NTAN1: variants seen among roughly 807,000 people sequenced by gnomAD.
The protein encoded by NTAN1 is N-terminal asparagine amidase.
In NTAN1, 32 loss-of-function variants were observed where a neutral mutation model predicts 41.9. That is an observed-to-expected ratio of 0.76 (90% confidence interval 0.58 to 1.03). The LOEUF is 1.03. Among genes scored for constraint, NTAN1 ranks in the 50% least tolerant of loss-of-function variants. The pLI, the probability that NTAN1 is intolerant of heterozygous loss-of-function variation, is 0.00. For missense variants in NTAN1, 377 were observed against 377.5 expected (o/e 1.00, Z 0.01); for synonymous variants, 140 against 139.5 (o/e 1.00, Z -0.03).
chr16:15,047,947 T>C (rs1348955931), intron 2 of NTAN1, 27 bp from the exon 3 acceptor site: 3 of 1,607,762 alleles, frequency 1.9e-6, no homozygotes, highest in African/African-American at 1.3e-5. Context: ...TAAAATAAAA[T>C]ATCCAATAGC....
At chr16:15,045,298 A>AG (rs2044010728) in intron 4 of NTAN1, 1 of 151,240 alleles carries the variant, frequency 6.6e-6, no homozygotes, top group South Asian at 2.1e-4. Flanking sequence ...ACTCCGTCTC[A>AG]GGGGGAAAAA....
At position 15,038,694 on chromosome 16, in the gene NTAN1, A is replaced by C; in HGVS notation, c.640-7T>G. On this transcript the variant is annotated splice_polypyrimidine_tract_variant and splice_region_variant and intron_variant, in intron 8 of 9. Coordinates refer to ENST00000287706, the MANE Select transcript of NTAN1 (RefSeq NM_173474.4). ...CATCATAAATGCTAATCATCTAAAA[A>C]AGAACGTGTCAAGGATAGAATTTCA... 3 of 1,469,142 alleles carry C rather than the reference A, an allele frequency of 2.0e-6. No individual in the cohort carries two copies. The highest frequency in any genetic ancestry group is 1.9e-6 in the Non-Finnish European group (2 of 1,053,156). 91.0% of individuals were successfully genotyped at this position (1,469,142 alleles called of 1,614,324 possible).
At chr16:15,041,441 C>A (rs769295935) in intron 6 of NTAN1, among the ~76,000 whole-genome samples, 182 bp downstream of exon 6, 1 of 152,096 alleles carries the variant, frequency 6.6e-6, no homozygotes, top group Non-Finnish European at 1.5e-5. Context: ...GGAACTGAGG[C>A]TCGGCAGATG....
intron 1 of NTAN1, among the ~76,000 whole-genome samples, chr16:15,055,185 G>A (rs931983069): frequency 8.6e-5 from 13 of 152,026 alleles, no homozygotes; most frequent in African/African-American, 3.1e-4. Flanking sequence ...GCCACGCCCC[G>A]CTCTTTTTAA....
Position 15,055,934 on chromosome 16 carries a change from G to C in NTAN1, c.38C>G (p.Pro13Arg), listed in dbSNP as rs1186539064. The change falls in exon 1 of 10, where the codon CCG becomes CGG. Residue 13 changes from proline to arginine, a missense_variant. Transcript: ENST00000287706. ...TCGGACGAGGTCCCCGGCTGACTGC[G>C]GCAGCCGCACTCGCCGCCCCTCGAC... ...LLVEGRRVRL[P>R]QSAGDLVRAH... 5 of 1,232,684 alleles carry C rather than the reference G, an allele frequency of 4.1e-6. No homozygotes were observed. The highest frequency in any genetic ancestry group is 5.1e-6 in the Non-Finnish European group (5 of 987,470). The allele number at this position is 1,232,684 out of a possible 1,614,324, so 76.4% of individuals were successfully genotyped here.
rs1209338406 is a variant in NTAN1, at chr16:15,038,150, A to AGGTAGATCTAATATGTTCAACAAAGTG, written c.787_813dup (p.His263_Thr271dup). The AGGTAGATCTAATATGTTCAACAAAGTG allele has an allele frequency of 5.0e-6, 8 of 1,613,052 alleles. No individual in the cohort carries two copies. Among genetic ancestry groups the AGGTAGATCTAATATGTTCAACAAAGTG allele is most frequent in the African/African-American group, 1.3e-5 (1 of 74,860 alleles). On this transcript the variant is annotated inframe_insertion, in exon 10 of 10. Coordinates refer to ENST00000287706, the MANE Select transcript of NTAN1 (RefSeq NM_173474.4). ...GATGGGTGTTTTTTTAAAAACATCA[A>AGGTAGATCTAATATGTTCAACAAAGTG]GGTAGATCTAATATGTTCAACAAAG...
At chr16:15,040,609 G>C (rs1047595616) in intron 7 of NTAN1, 1 of 178,968 alleles carries the variant, frequency 5.6e-6, no homozygotes, top group Non-Finnish European at 1.2e-5. Flanking sequence ...GATGGTTCTA[G>C]GTTTTCTCTA....
At position 15,047,556 on chromosome 16, in the gene NTAN1, G is replaced by A. The variant is rs1195635522; in HGVS notation, c.251-6C>T. ...CAAGCAGGTGGCCCCATTACCTGAAGAACAAGGGTGAAAGGACTCAAGTTA... is the reference window on the plus strand; with the variant it reads ...CAAGCAGGTGGCCCCATTACCTGAAAAACAAGGGTGAAAGGACTCAAGTTA... On this transcript the variant is annotated splice_polypyrimidine_tract_variant and splice_region_variant and intron_variant, in intron 3 of 9. Transcript: ENST00000287706. 36 of 1,598,658 alleles carry A rather than the reference G, an allele frequency of 2.3e-5. No homozygotes were observed. The highest frequency in any genetic ancestry group is 3.0e-5 in the Non-Finnish European group (35 of 1,166,002).
intron 3 of NTAN1, 128 bp from the exon 4 acceptor site, chr16:15,047,678 T>G: frequency 2.2e-6 from 2 of 915,174 alleles, no homozygotes; most frequent in Non-Finnish European, 3.6e-6. Context: ...CGGACAGGTC[T>G]GTGCTCCCCA....
chr16:15,038,050 A>T lies in NTAN1; in HGVS notation c.914T>A (p.Ile305Asn). 2 of 1,612,316 alleles carry T rather than the reference A, an allele frequency of 1.2e-6. No individual in the cohort carries two copies. The highest frequency in any genetic ancestry group is 1.7e-6 in the Non-Finnish European group (2 of 1,179,300). ...TGTTTTTTAACTTCCTGGAGAAGAG[A>T]TCTTTTCCCACAAGCCATCTTCATT... Reference protein sequence around the residue: ...KKNEDGLWEKISSPGS With the variant: ...KKNEDGLWEKNSSPGS The change falls in exon 10 of 10, where the codon ATC becomes AAC. Residue 305 changes from isoleucine (I) to asparagine (N), a missense_variant. Transcript: ENST00000287706.
At chr16:15,042,718 C>CTATTTATT (rs58123477) in intron 5 of NTAN1, among the ~76,000 whole-genome samples, 32,607 of 146,912 alleles carry the variant, frequency 0.22, 4,778 homozygotes, top group Middle Eastern at 0.37. Flanking sequence ...AAAGGATGAA[C>CTATTTATT]TATTTATTTA....
At chr16:15,052,641 C>T (rs894307604) in intron 1 of NTAN1, among the ~76,000 whole-genome samples, 4 of 152,146 alleles carry the variant, frequency 2.6e-5, no homozygotes, top group African/African-American at 9.7e-5. Context: ...TCAGACCAGC[C>T]TGGCCAACAT....
In NTAN1 at chr16:15,038,042, G is replaced by GAGA. The variant is rs761004890; in HGVS notation, c.919_921dup (p.Ser307dup). 1 of 1,611,396 alleles carries GAGA rather than the reference G, an allele frequency of 6.2e-7. No individual in the cohort carries two copies. The highest frequency in any genetic ancestry group is 8.5e-7 in the Non-Finnish European group (1 of 1,179,006). ...GTAATTCATGTTTTTTAACTTCCTG[G>GAGA]AGAAGAGATCTTTTCCCACAAGCCA... is the stretch of plus-strand genomic sequence containing the variant. On this transcript the variant is annotated inframe_insertion, in exon 10 of 10. Transcript: ENST00000287706.
Position 15,038,632 on chromosome 16 carries a change from C to A in NTAN1, c.695G>T (p.Trp232Leu), listed in dbSNP as rs745652703. 1 of 1,610,550 alleles carries A rather than the reference C, an allele frequency of 6.2e-7. No individual in the cohort carries two copies. The highest frequency in any genetic ancestry group is 8.5e-7 in the Non-Finnish European group (1 of 1,176,954). Residue 232 changes from tryptophan (W) to leucine (L), a missense_variant, in exon 9 of 10, where the codon TGG becomes TTG. Transcript: ENST00000287706. Reference protein sequence around the residue: ...TEQLRIGPYSWTPFPHVDFWL... With the variant: ...TEQLRIGPYSLTPFPHVDFWL... The stretch of plus-strand genomic sequence containing the variant: ...GAAATCCACATGTGGAAATGGTGTC[C>A]AGGAGTACGGTCCTATACGAAGTTG...
In NTAN1 at chr16:15,038,055, T is replaced by C; in HGVS notation, c.909A>G (p.Glu303=). The C allele has an allele frequency of 6.2e-7, 1 of 1,612,672 alleles. No individual in the cohort carries two copies. Among genetic ancestry groups the C allele is most frequent in the Middle Eastern group, 1.7e-4 (1 of 6,030 alleles). The change falls in exon 10 of 10, where the codon GAA becomes GAG. Residue 303 remains glutamate, a synonymous_variant. Transcript: ENST00000287706. ...LYKKNEDGLW[E]KISSPGS is the part of the protein sequence containing the mutation. ...TTTAACTTCCTGGAGAAGAGATCTT[T>C]TCCCACAAGCCATCTTCATTTTTTT... is the stretch of plus-strand genomic sequence containing the variant.
chr16:15,047,190 AGAC>A (rs1451205774), intron 4 of NTAN1: 4 of 517,574 alleles, frequency 7.7e-6, no homozygotes, highest in Non-Finnish European at 1.4e-5. Flanking sequence ...GACGTTCCTG[AGAC>A]GACATCAAGT....
In NTAN1 at chr16:15,039,958, T is replaced by C; in HGVS notation, c.639+11A>G. ...TTTTTAACCCCTTAACAAAGATGAT[T>C]TGAAACTCACTGGTCCTCCTGCTAA... On this transcript the variant is annotated intron_variant, in intron 8 of 9. Coordinates refer to ENST00000287706, the MANE Select transcript of NTAN1 (RefSeq NM_173474.4). 3.3e-6 allele frequency: 5 copies of C among 1,524,032 alleles called. No individual in the cohort carries two copies. The highest frequency in any genetic ancestry group is 4.5e-6 in the Non-Finnish European group (5 of 1,106,594). The allele number at this position is 1,524,032 out of a possible 1,614,324, so 94.4% of individuals were successfully genotyped here. A position where few individuals can be genotyped will look rare whatever the true frequency, so the allele number is the denominator to read the frequency against.
At chr16:15,045,951 G>A (rs1300166215) in intron 4 of NTAN1, 2 of 151,222 alleles carry the variant, frequency 1.3e-5, no homozygotes, top group African/African-American at 4.8e-5. Flanking sequence ...AGTAAGGAGA[G>A]CTGCGACCAC....
At position 15,044,395 on chromosome 16, in the gene NTAN1, G is replaced by A; in HGVS notation, c.372C>T (p.His124=). The A allele has an allele frequency of 1.2e-6, 2 of 1,612,730 alleles. No homozygotes were observed. The highest frequency in any genetic ancestry group is 1.7e-6 in the Non-Finnish European group (2 of 1,178,744). Residue 124 remains histidine (H), a synonymous_variant, in exon 5 of 10, where the codon CAC becomes CAT. Transcript: ENST00000287706. The part of the protein sequence containing the change: ...DHAQCGRLEV[H]LVGGFSDDRQ... ...TGTCGTCACTGAAGCCTCCAACAAG[G>A]TGTACTTCCAGCCTGGCAAAGAGAT... is the stretch of plus-strand genomic sequence containing the variant.
Sources: gnomAD v4.1 joint callset for allele counts (sites outside exome capture counted in the v4.1 genomes callset) on GRCh38, gnomAD v4.1.1 for gene constraint, MANE v1.5 for transcripts, NCBI Gene and HGNC (gene_info 2026-07-23, HGNC 2026-07-21) for gene names.